MCF2L2: variants seen among roughly 807,000 people sequenced by gnomAD.
MCF2L2 encodes the protein MCF.2 cell line derived transforming sequence-like 2.
MCF2L2 carries 102 observed loss-of-function variants against 150.2 expected under a neutral mutation model. The ratio of observed to expected loss-of-function variants is 0.68; its 90% confidence interval spans 0.58 to 0.80. MCF2L2 has a LOEUF of 0.80. MCF2L2 is among the 30% of genes least tolerant of loss of function. The probability of loss-of-function intolerance (pLI) is 0.00; values close to 1 mark genes in which losing one functional copy is unlikely to be tolerated. For synonymous variants in MCF2L2, 465 were observed against 491.3 expected, an observed-to-expected ratio of 0.95 and a Z score of 0.71; for missense variants, 1,256 against 1,372.8, an observed-to-expected ratio of 0.91 and a Z score of 1.34.
intron 14 of MCF2L2, among the ~76,000 whole-genome samples, chr3:183,277,308 G>A (rs1187837859): frequency 2.7e-5 from 4 of 146,514 alleles, no homozygotes; most frequent in African/African-American, 1.0e-4. Flanking sequence ...TTGCACTCCA[G>A]CCTCAGCAAC....
At position 183,309,837 on chromosome 3, in the gene MCF2L2, T is replaced by C. The variant is rs954169258; in HGVS notation, c.994-2A>G. 6 of 1,613,442 alleles carry C rather than the reference T, an allele frequency of 3.7e-6. No homozygotes were observed. The South Asian group carries it at 5.5e-5, about 15-fold the overall frequency. The stretch of plus-strand genomic sequence containing the variant: ...CAAATTATCCAGGGCAAGCTTAGCC[T>C]ACAAGAAACATTAGAACAGTCCAGA... On this transcript the variant is annotated splice_acceptor_variant, in intron 9 of 29. Coordinates refer to ENST00000328913, the MANE Select transcript of MCF2L2 (RefSeq NM_015078.4). LOFTEE classifies it high-confidence loss of function.
intron 3 of MCF2L2, among the ~76,000 whole-genome samples, chr3:183,344,986 A>T (rs1730844127): frequency 6.6e-6 from 1 of 152,180 alleles, no homozygotes; most frequent in South Asian, 2.1e-4. Context: ...GGGAGACTTT[A>T]ACACCCCACA....
intron 3 of MCF2L2, among the ~76,000 whole-genome samples, chr3:183,371,725 T>G (rs73062734): frequency 0.32 from 47,956 of 150,938 alleles, 11,660 homozygotes; most frequent in African/African-American, 0.68. Flanking sequence ...TGATTCACCC[T>G]CCTCAGCCTC....
intron 5 of MCF2L2, among the ~76,000 whole-genome samples, chr3:183,335,431 T>G (rs1730437813): frequency 6.6e-6 from 1 of 152,114 alleles, no homozygotes; most frequent in African/African-American, 2.4e-5. Flanking sequence ...CTATAATACA[T>G]GTTATGGTTT....
At chr3:183,389,127 G>C (rs1201069987) in intron 2 of MCF2L2, among the ~76,000 whole-genome samples, 1 of 152,202 alleles carries the variant, frequency 6.6e-6, no homozygotes, top group Non-Finnish European at 1.5e-5. Context: ...CTTTGGCTGA[G>C]CGAATAAGAA....
Position 183,341,640 on chromosome 3 carries a change from AG to A in MCF2L2, c.276-11del. The stretch of plus-strand genomic sequence containing the variant: ...GCTGGCAGCCTCCACACTGCAAAGA[AG>A]GGTGGTCAGTGTCAGAGATTAGGTG... On this transcript the variant is annotated splice_polypyrimidine_tract_variant and intron_variant, in intron 3 of 29. Coordinates refer to ENST00000328913, the MANE Select transcript of MCF2L2 (RefSeq NM_015078.4). The A allele has an allele frequency of 6.2e-7, 1 of 1,603,092 alleles. No homozygotes were observed. Among genetic ancestry groups the A allele is most frequent in the Non-Finnish European group, 8.5e-7 (1 of 1,169,916 alleles).
chr3:183,247,480 T>C (rs1193644616), intron 15 of MCF2L2, among the ~76,000 whole-genome samples: 1 of 152,152 alleles, frequency 6.6e-6, no homozygotes, highest in East Asian at 1.9e-4. Context: ...ATACAGCGGA[T>C]AGGAAAACCT....
rs991032575 is a variant in MCF2L2, at chr3:183,428,315, C to A, written c.-338G>T. 5 of 293,820 alleles carry A rather than the reference C, an allele frequency of 1.7e-5. No homozygotes were observed. Among genetic ancestry groups the A allele is most frequent in the South Asian group, 3.8e-5 (1 of 26,448 alleles). 18.2% of individuals were successfully genotyped at this position (293,820 alleles called of 1,614,324 possible). ...GCGAGCTCCGGGGCTTCCAGAATCGCGGTCCCGGCCGCCAGGTTTCCGGCG... is the reference window on the plus strand; with the variant it reads ...GCGAGCTCCGGGGCTTCCAGAATCGAGGTCCCGGCCGCCAGGTTTCCGGCG... On this transcript the variant is annotated 5_prime_UTR_variant, in exon 1 of 30. Transcript: ENST00000328913. This position sits in a 1 kb window ranked among gnomAD's most constrained non-coding sequence, Gnocchi z 5.1.
At chr3:183,422,041 T>G (rs558859349) in intron 1 of MCF2L2, among the ~76,000 whole-genome samples, 1 of 152,236 alleles carries the variant, frequency 6.6e-6, no homozygotes, top group Admixed American at 6.5e-5. Flanking sequence ...GCTTGCTTTA[T>G]CGTTTTCAAC....
At position 183,355,516 on chromosome 3, in the gene MCF2L2, G is replaced by A. The variant is rs539085770; in HGVS notation, c.276-13886C>T. On this transcript the variant is annotated intron_variant, in intron 3 of 29. Transcript: ENST00000328913. ...AGGTGGAGTGCCGTGGCGCGATCTC[G>A]GCTCACTGCAAGCTCCGCCTCCCGG... is the stretch of plus-strand genomic sequence containing the variant. 2.3e-4 allele frequency among the ~76,000 whole-genome samples: 34 copies of A among 150,768 alleles called. No individual in the cohort carries two copies. The East Asian group carries it at 5.8e-3, about 26-fold the overall frequency.
At chr3:183,203,253 G>A (rs1722358059) in intron 25 of MCF2L2, among the ~76,000 whole-genome samples, 2 of 151,902 alleles carry the variant, frequency 1.3e-5, no homozygotes, top group Admixed American at 6.6e-5. Flanking sequence ...CTGTTCCTGA[G>A]GAAGCCAAGA....
intron 13 of MCF2L2, among the ~76,000 whole-genome samples, chr3:183,292,146 A>G (rs1365425564): frequency 6.6e-6 from 1 of 152,190 alleles, no homozygotes; most frequent in Non-Finnish European, 1.5e-5. Flanking sequence ...AATGTTATCA[A>G]GGCTTACTTC....
At chr3:183,299,028 T>C (rs1166475150) in intron 11 of MCF2L2, 1 of 152,318 alleles carries the variant, frequency 6.6e-6, no homozygotes, top group Non-Finnish European at 1.5e-5. Flanking sequence ...TGCTGACTCA[T>C]TGCCGTCAGC....
intron 15 of MCF2L2, among the ~76,000 whole-genome samples, chr3:183,253,078 C>T (rs1473685113): frequency 6.6e-6 from 1 of 152,222 alleles, no homozygotes; most frequent in Non-Finnish European, 1.5e-5. Flanking sequence ...GGAAACACTT[C>T]CTGGAATTCT....
intron 5 of MCF2L2, among the ~76,000 whole-genome samples, chr3:183,333,374 T>G (rs1730344368): frequency 6.6e-6 from 1 of 152,200 alleles, no homozygotes; most frequent in Non-Finnish European, 1.5e-5. Flanking sequence ...TAATTAAAGC[T>G]ATTTTTTGTT....
intron 3 of MCF2L2, among the ~76,000 whole-genome samples, chr3:183,355,502 C>A (rs1049485793): frequency 8.6e-5 from 13 of 151,268 alleles, no homozygotes; most frequent in African/African-American, 2.9e-4. Context: ...GGTGGAGTGC[C>A]GTGGCGCGAT....
chr3:183,194,084 T>C (rs1055666629), intron 26 of MCF2L2, among the ~76,000 whole-genome samples: 2 of 151,766 alleles, frequency 1.3e-5, no homozygotes, highest in South Asian at 2.1e-4. Context: ...AATGCTGCAA[T>C]AGAGTACTCC....
At chr3:183,180,472 C>T (rs1189255606) in intron 27 of MCF2L2, among the ~76,000 whole-genome samples, 3 of 152,088 alleles carry the variant, frequency 2.0e-5, no homozygotes, top group Admixed American at 2.0e-4. Flanking sequence ...GCCTCCTTCC[C>T]TTCCTCCTCC....
intron 14 of MCF2L2, chr3:183,287,788 T>C (rs1727879525): frequency 6.6e-6 from 1 of 152,222 alleles, no homozygotes; most frequent in South Asian, 2.1e-4. Flanking sequence ...AAGAAAAGTC[T>C]GCTGAGAACC....
Sources: allele counts gnomAD v4.1 joint callset (sites outside exome capture counted in the v4.1 genomes callset), GRCh38; gene constraint gnomAD v4.1.1; non-coding constraint Gnocchi (gnomAD v3.1); transcripts MANE v1.5; gene names NCBI Gene and HGNC (gene_info 2026-07-23, HGNC 2026-07-21).